FUT8: variants seen among roughly 807,000 people sequenced by gnomAD.
FUT8 encodes fucosyltransferase 8.
A neutral mutation model predicts 71.3 loss-of-function variants in FUT8; 29 were observed. The ratio of observed to expected loss-of-function variants is 0.41; its 90% CI spans 0.30 to 0.55. FUT8 has a LOEUF of 0.55. FUT8 is among the 20% of genes least tolerant of loss of function. The probability of loss-of-function intolerance (pLI) is 0.34; values close to 1 mark genes in which losing one functional copy is unlikely to be tolerated. For synonymous variants in FUT8, 254 were observed against 239.3 expected (o/e 1.06, Z -0.57); for missense variants, 544 against 702.1 (o/e 0.77, Z 2.55).
chr14:65,707,936 C>T (rs1894628991), intron 7 of FUT8, among the ~76,000 whole-genome samples: 1 of 152,090 alleles, frequency 6.6e-6, no homozygotes, highest in South Asian at 2.1e-4. Context: ...TCAAGATTGC[C>T]TTGACTATTT....
At chr14:65,548,237 C>T (rs986767517) in intron 2 of FUT8, among the ~76,000 whole-genome samples, 4 of 151,828 alleles carry the variant, frequency 2.6e-5, no homozygotes, top group African/African-American at 7.2e-5. Flanking sequence ...ATAATCATCC[C>T]CTCCTTGTAC....
intron 2 of FUT8, among the ~76,000 whole-genome samples, chr14:65,504,200 T>G (rs2066690260): frequency 6.6e-6 from 1 of 152,228 alleles, no homozygotes; most frequent in African/African-American, 2.4e-5. Context: ...AGTAGGATGT[T>G]AACTGTATGG....
chr14:65,422,984 C>CT (rs34536679), intron 1 of FUT8, among the ~76,000 whole-genome samples: 2,657 of 127,396 alleles, frequency 0.021, 104 homozygotes, highest in African/African-American at 0.065. Flanking sequence ...TTCTTTCTTT[C>CT]TTTTTTTTTT....
intron 7 of FUT8, among the ~76,000 whole-genome samples, chr14:65,673,222 C>T (rs1892555668): frequency 1.3e-5 from 2 of 152,338 alleles, no homozygotes; most frequent in South Asian, 4.1e-4. Flanking sequence ...ACCTTCTCTC[C>T]ATGCCTCATT....
chr14:65,696,329 C>A (rs1239620721), intron 7 of FUT8, among the ~76,000 whole-genome samples: 2 of 152,148 alleles, frequency 1.3e-5, no homozygotes, highest in African/African-American at 4.8e-5. Context: ...ATGCAGAATT[C>A]TAAATGGGTG....
intron 3 of FUT8, among the ~76,000 whole-genome samples, chr14:65,576,532 T>C (rs951011571): frequency 2.0e-5 from 3 of 151,906 alleles, no homozygotes; most frequent in South Asian, 2.1e-4. Context: ...GTTTCCGTTT[T>C]TGTTTTTTTT....
At chr14:65,631,600 T>C (rs1424491403) in intron 6 of FUT8, among the ~76,000 whole-genome samples, 1 of 151,626 alleles carries the variant, frequency 6.6e-6, no homozygotes, top group Admixed American at 6.6e-5. Context: ...TAACTTTACT[T>C]TCATGCTTTT....
At chr14:65,569,499 C>G (rs915212565) in intron 3 of FUT8, among the ~76,000 whole-genome samples, 3 of 151,762 alleles carry the variant, frequency 2.0e-5, no homozygotes, top group African/African-American at 4.8e-5. Flanking sequence ...TGCCGTTAAT[C>G]ACACACAGTT....
At chr14:65,602,339 TCTCTCACACACA>T (rs1437005103) in intron 3 of FUT8, among the ~76,000 whole-genome samples, 2,252 of 88,214 alleles carry the variant, frequency 0.026, 173 homozygotes, top group African/African-American at 0.076. Context: ...TAGCGTTCCA[TCTCTCACACACA>T]CACACACACA....
rs1003420776 is a variant in FUT8 at position 65,538,287 on chromosome 14, C to T, written c.-227-23050C>T. Among the ~76,000 whole-genome samples the T allele has an allele frequency of 2.6e-4, 40 of 152,196 alleles. 1 individual carries two copies. The highest frequency in any genetic ancestry group is 2.3e-3 in the Admixed American group (35 of 15,276). On this transcript the variant is annotated intron_variant, in intron 2 of 10. Transcript: ENST00000673929. ...AGAGGCCTGTGGCCAGAGTGGGTCG[C>T]TCCTTGCCTGTTCAACTCACCCTCT... is the stretch of plus-strand genomic sequence containing the variant.
intron 1 of FUT8, among the ~76,000 whole-genome samples, chr14:65,421,746 C>CA (rs1176816245): frequency 3.1e-5 from 2 of 64,384 alleles, no homozygotes; most frequent in Non-Finnish European, 6.7e-5. Context: ...CCCACCCCCC[C>CA]CTTTTTTTTT....
chr14:65,477,878 C>A (rs961355042), intron 2 of FUT8, among the ~76,000 whole-genome samples: 1 of 150,902 alleles, frequency 6.6e-6, no homozygotes, highest in Non-Finnish European at 1.5e-5. Flanking sequence ...TTTTTACCCC[C>A]CTCAAAGGAG....
the FUT8 span, among the ~76,000 whole-genome samples, chr14:65,383,311 G>C: frequency 1.0e-5 from 1 of 99,198 alleles, no homozygotes; most frequent in Non-Finnish European, 1.9e-5. Flanking sequence ...GTCTTGCTCT[G>C]TTGCCCAGGC....
intron 7 of FUT8, among the ~76,000 whole-genome samples, chr14:65,673,805 G>C (rs1892586221): frequency 6.6e-6 from 1 of 152,048 alleles, no homozygotes; most frequent in South Asian, 2.1e-4. Flanking sequence ...TTTTGATTTT[G>C]GTTTAGAGAG....
chr14:65,664,846 C>T (rs150583962), intron 6 of FUT8, among the ~76,000 whole-genome samples: 118 of 152,244 alleles, frequency 7.8e-4, no homozygotes, highest in African/African-American at 2.6e-3. Flanking sequence ...TACCCGTCCT[C>T]TCTCTTGTAG....
At chr14:65,478,071 A>G (rs2066274611) in intron 2 of FUT8, among the ~76,000 whole-genome samples, 1 of 152,242 alleles carries the variant, frequency 6.6e-6, no homozygotes. Context: ...ACTCCATTAT[A>G]GTCATTTAAT....
intron 2 of FUT8, among the ~76,000 whole-genome samples, chr14:65,556,853 G>C (rs1202364640): frequency 6.6e-6 from 1 of 152,242 alleles, no homozygotes; most frequent in East Asian, 1.9e-4. Context: ...TTTTATTTAA[G>C]CCTTTTCCAG....
intron 7 of FUT8, among the ~76,000 whole-genome samples, chr14:65,675,817 C>T (rs1892686699): frequency 6.8e-6 from 1 of 147,760 alleles, no homozygotes; most frequent in Non-Finnish European, 1.5e-5. Flanking sequence ...TGGTGAAACC[C>T]CATTTCTACT....
At chr14:65,591,156 A>G (rs561158850) in intron 3 of FUT8, among the ~76,000 whole-genome samples, 1 of 152,284 alleles carries the variant, frequency 6.6e-6, no homozygotes, top group South Asian at 2.1e-4. Flanking sequence ...GTGTGAATAC[A>G]TTTAAGTTAT....
Sources: allele counts gnomAD v4.1 joint callset (sites outside exome capture counted in the v4.1 genomes callset), GRCh38; gene constraint gnomAD v4.1.1; transcripts MANE v1.5; gene names NCBI Gene and HGNC (gene_info 2026-07-23, HGNC 2026-07-21).